The following RIPOR3 variants were observed in gnomAD, a reference collection of about 807,000 sequenced individuals.
RIPOR3 encodes family with sequence similarity 65 member C.
In RIPOR3, 95 loss-of-function variants were observed where a neutral mutation model predicts 114.3. That is an observed-to-expected ratio of 0.83 (90% CI 0.70 to 0.99). The LOEUF is 0.99. Among genes scored for constraint, RIPOR3 ranks in the 50% least tolerant of loss-of-function variants. The pLI is 0.00. For synonymous variants in RIPOR3, 575 were observed against 543.8 expected, an observed-to-expected ratio of 1.06 and a Z score of -0.80; for missense variants, 1,252 against 1,266.9, an observed-to-expected ratio of 0.99 and a Z score of 0.18.
Position 50,592,332 on chromosome 20 carries a change from TG to T in RIPOR3, c.2577+11del, listed in dbSNP as rs779720499. 2 of 1,554,874 alleles carry T rather than the reference TG, an allele frequency of 1.3e-6. No homozygotes were observed. The highest frequency in any genetic ancestry group is 1.7e-6 in the Non-Finnish European group (2 of 1,145,176). On this transcript the variant is annotated intron_variant, in intron 19 of 21. Transcript: ENST00000327979. ...TGTGGCCAGGGTCTGCCACCTGCCC[TG>T]GACAACGTACCTTTTCCCGGAAGCT...
chr20:50,661,984 C>T (rs1200419630), intron 1 of RIPOR3: 9 of 152,434 alleles, frequency 5.9e-5, no homozygotes, highest in African/African-American at 1.9e-4. Context: ...CTGCAGCCTC[C>T]GTTGTCGCCA....
At chr20:50,674,483 T>C (rs1456021160) in intron 1 of RIPOR3, among the ~76,000 whole-genome samples, 1 of 151,526 alleles carries the variant, frequency 6.6e-6, no homozygotes, top group Non-Finnish European at 1.5e-5. Context: ...ATAGCTACTA[T>C]TGATTAGGTG....
intron 12 of RIPOR3, among the ~76,000 whole-genome samples, chr20:50,604,073 T>C (rs1156531997): frequency 6.6e-6 from 1 of 151,734 alleles, no homozygotes; most frequent in African/African-American, 2.4e-5. Flanking sequence ...TCCCAGCTAC[T>C]CGGGAGGCTG....
At chr20:50,618,900 C>T (rs1476140248) in intron 3 of RIPOR3, among the ~76,000 whole-genome samples, 1 of 152,136 alleles carries the variant, frequency 6.6e-6, no homozygotes, top group African/African-American at 2.4e-5. Context: ...CATGGCGAAA[C>T]CCAGTCTCTA....
chr20:50,671,412 GCGTGCACGCGCGCGCGCACA>G (rs1275646246), intron 1 of RIPOR3, among the ~76,000 whole-genome samples: 1 of 87,902 alleles, frequency 1.1e-5, no homozygotes, highest in Non-Finnish European at 2.2e-5. Context: ...GAGCACGCGC[GCGTGCACGCGCGCGCGCACA>G]CACACACACA....
chr20:50,650,979 GT>G (rs1284604666), intron 1 of RIPOR3, among the ~76,000 whole-genome samples: 4 of 147,378 alleles, frequency 2.7e-5, no homozygotes, highest in South Asian at 2.2e-4. Context: ...TTTGTTTTTT[GT>G]TTTTTTTTTG....
intron 1 of RIPOR3, among the ~76,000 whole-genome samples, chr20:50,631,597 G>A (rs1001356478): frequency 2.0e-5 from 3 of 152,300 alleles, no homozygotes; most frequent in East Asian, 1.9e-4. Context: ...GGGCAAGGGT[G>A]ACTGGGAGCC....
intron 1 of RIPOR3, among the ~76,000 whole-genome samples, chr20:50,650,395 C>T (rs1445054788): frequency 7.9e-5 from 12 of 152,062 alleles, no homozygotes; most frequent in Admixed American, 7.2e-4. Flanking sequence ...CTCCACCTCC[C>T]GGGCTCAAAC....
chr20:50,613,648 C>T (rs2123102474), intron 4 of RIPOR3, among the ~76,000 whole-genome samples: 1 of 152,208 alleles, frequency 6.6e-6, no homozygotes, highest in East Asian at 1.9e-4. Flanking sequence ...GTGCCCTGGC[C>T]TCAGTGTGCC....
At chr20:50,667,732 G>C (rs1443064184) in intron 1 of RIPOR3, among the ~76,000 whole-genome samples, 1 of 152,138 alleles carries the variant, frequency 6.6e-6, no homozygotes, top group Non-Finnish European at 1.5e-5. Flanking sequence ...GCTTTTCCTA[G>C]AGCAAATTGT....
chr20:50,679,222 TATATA>T (rs1281987852), intron 1 of RIPOR3, among the ~76,000 whole-genome samples: 5 of 140,572 alleles, frequency 3.6e-5, no homozygotes, highest in Non-Finnish European at 7.6e-5. Context: ...AAAAAATATA[TATATA>T]ATATTTAAAA....
chr20:50,598,066 G>A (rs908730805), intron 13 of RIPOR3, among the ~76,000 whole-genome samples: 8 of 152,254 alleles, frequency 5.3e-5, no homozygotes, highest in Non-Finnish European at 1.0e-4. Flanking sequence ...TCCCCTAAGA[G>A]GGGGCCACGC....
Position 50,586,560 on chromosome 20 carries a change from C to G in RIPOR3, c.*672G>C, listed in dbSNP as rs1005724695. On this transcript the variant is annotated 3_prime_UTR_variant, in exon 22 of 22. Coordinates refer to ENST00000327979, the MANE Select transcript of RIPOR3 (RefSeq NM_001290268.2). ...TCCTGGGCTGATGTGGTGGCTTCTT[C>G]CCTTTGTGCTGCTGAACATAGGGAA... The G allele has an allele frequency of 6.5e-6, 1 of 152,796 alleles. No homozygotes were observed. Among genetic ancestry groups the G allele is most frequent in the African/African-American group, 2.4e-5 (1 of 41,454 alleles). The allele number at this position is 152,796 out of a possible 1,614,324, so 9.5% of individuals were successfully genotyped here. A position where few individuals can be genotyped will look rare whatever the true frequency, so the allele number is the denominator to read the frequency against.
intron 1 of RIPOR3, among the ~76,000 whole-genome samples, chr20:50,647,071 G>A (rs1241533503): frequency 2.0e-5 from 3 of 152,090 alleles, no homozygotes; most frequent in East Asian, 3.9e-4. Flanking sequence ...CCTGTAATCC[G>A]CACTTTCGGA....
chr20:50,616,758 T>A (rs970615479), intron 3 of RIPOR3, among the ~76,000 whole-genome samples: 5 of 152,152 alleles, frequency 3.3e-5, no homozygotes, highest in African/African-American at 1.2e-4. Flanking sequence ...ACAGTGGCCT[T>A]CTGAGCCCAA....
At chr20:50,690,435 G>T (rs2087171076) in intron 1 of RIPOR3, among the ~76,000 whole-genome samples, 1 of 152,096 alleles carries the variant, frequency 6.6e-6, no homozygotes, top group Admixed American at 6.6e-5. Context: ...CCTCCACCCT[G>T]GGCTGACACA....
rs903203129 is a variant in RIPOR3 at position 50,620,229 on chromosome 20, G to C, written c.123-97C>G. On this transcript the variant is annotated intron_variant, in intron 2 of 21. Coordinates refer to ENST00000327979, the MANE Select transcript of RIPOR3 (RefSeq NM_001290268.2). ...TTTGGAAATAGTGACCAGAGCCACA[G>C]GGAGTCAGGAGACCCGGCTCAGTCC... The C allele has an allele frequency of 1.1e-4, 160 of 1,486,512 alleles. No individual in the cohort carries two copies. In the South Asian group the frequency reaches 1.8e-3, roughly 16 times the overall value. 92.1% of individuals were successfully genotyped at this position (1,486,512 alleles called of 1,614,324 possible). A position where few individuals can be genotyped will look rare whatever the true frequency, so the allele number is the denominator to read the frequency against.
At chr20:50,679,306 G>C (rs1159860700) in intron 1 of RIPOR3, among the ~76,000 whole-genome samples, 1 of 150,210 alleles carries the variant, frequency 6.7e-6, no homozygotes, top group African/African-American at 2.4e-5. Flanking sequence ...TAAAAAAGAG[G>C]CACCAAGAAG....
rs60123574 is a variant in RIPOR3, at chr20:50,606,731, T to C, written c.956+1658A>G. Among the ~76,000 whole-genome samples the C allele has an allele frequency of 3.8e-3, 576 of 151,978 alleles. 4 individuals carry two copies. Among genetic ancestry groups the C allele is most frequent in the African/African-American group, 0.013 (551 of 41,472 alleles). On this transcript the variant is annotated intron_variant, in intron 11 of 21. Transcript: ENST00000327979. The stretch of plus-strand genomic sequence containing the variant: ...CCCTGTGGAGTGCTTTCTTGCCTTT[T>C]TTTTTTTTCTTTTTCTCTGAGACTG...
Sources: gnomAD v4.1 joint callset for allele counts (sites outside exome capture counted in the v4.1 genomes callset) on GRCh38, gnomAD v4.1.1 for gene constraint, MANE v1.5 for transcripts, NCBI Gene and HGNC (gene_info 2026-07-23, HGNC 2026-07-21) for gene names.